Variants in NRG1 observed in about 807,000 individuals in gnomAD.
The protein encoded by NRG1 is pro-neuregulin-1, membrane-bound isoform.
Under a neutral mutation model 63.8 loss-of-function variants are expected in NRG1, and 18 were observed. The observed-to-expected ratio is 0.28, with a 90% CI of 0.19 to 0.42. The LOEUF (loss-of-function observed/expected upper bound fraction) is 0.42. Among genes scored for constraint, NRG1 ranks in the 10% least tolerant of loss-of-function variants. The pLI, the probability that NRG1 is intolerant of heterozygous loss-of-function variation, is 1.00. For missense variants in NRG1, 762 were observed against 814.7 expected (o/e 0.94, Z 0.79); for synonymous variants, 302 against 301.3 (o/e 1.00, Z -0.02).
chr8:31,655,952 A>G (rs898096093), intron 1 of NRG1, among the ~76,000 whole-genome samples: 3 of 152,232 alleles, frequency 2.0e-5, no homozygotes, highest in Non-Finnish European at 2.9e-5. Flanking sequence ...CAAATACTGC[A>G]GGAGAAGAAG....
At chr8:32,328,543 T>C (rs1303106810) in intron 1 of NRG1, among the ~76,000 whole-genome samples, 1 of 152,040 alleles carries the variant, frequency 6.6e-6, no homozygotes, top group African/African-American at 2.4e-5. Flanking sequence ...TAAAATGACA[T>C]CCAGTTATTT....
At chr8:32,061,933 A>C (rs1453816091) in intron 1 of NRG1, 1 of 152,068 alleles carries the variant, frequency 6.6e-6, no homozygotes, top group African/African-American at 2.4e-5. Flanking sequence ...AAACAGGAGG[A>C]GGTAACAGAG....
chr8:31,909,346 A>C (rs947517989), intron 1 of NRG1, among the ~76,000 whole-genome samples: 35 of 152,136 alleles, frequency 2.3e-4, no homozygotes, highest in African/African-American at 8.4e-4. Context: ...GACACTGAGC[A>C]TCAGGGACAT....
chr8:31,776,900 G>T (rs900048295), intron 1 of NRG1, among the ~76,000 whole-genome samples: 1 of 152,178 alleles, frequency 6.6e-6, no homozygotes, highest in Non-Finnish European at 1.5e-5. Context: ...AGTAACAGCA[G>T]GTTCTGGAGA....
chr8:31,762,840 T>A (rs1452190863), intron 1 of NRG1, among the ~76,000 whole-genome samples: 1 of 152,230 alleles, frequency 6.6e-6, no homozygotes, highest in Non-Finnish European at 1.5e-5. Flanking sequence ...CCCAGCTTGT[T>A]TTATGAGGCT....
intron 1 of NRG1, among the ~76,000 whole-genome samples, chr8:32,346,006 T>C (rs901333456): frequency 4.0e-5 from 6 of 150,438 alleles, no homozygotes; most frequent in African/African-American, 1.5e-4. Flanking sequence ...AAATCCTGTC[T>C]CAAAAATAAT....
At chr8:32,731,006 A>G (rs1823517822) in intron 6 of NRG1, among the ~76,000 whole-genome samples, 1 of 152,180 alleles carries the variant, frequency 6.6e-6, no homozygotes, top group Non-Finnish European at 1.5e-5. Flanking sequence ...AATTATAGTA[A>G]TGAAATATGA....
Position 32,281,939 on chromosome 8 carries a change from T to C in NRG1, c.38-313889T>C, listed in dbSNP as rs141211701. On this transcript the variant is annotated intron_variant, in intron 1 of 10. Coordinates refer to the NRG1 transcript ENST00000519301. ...AAGTGTTTAACTCATCAATTTCAGA[T>C]ACACAGTAAAAGAATGTATATGAGA... Among the ~76,000 whole-genome samples the C allele has an allele frequency of 6.3e-3, 961 of 152,356 alleles. 9 individuals are homozygous for C. Among genetic ancestry groups the C allele is most frequent in the Non-Finnish European group, 9.4e-3 (641 of 68,028 alleles).
rs145451357 is a variant in NRG1, at chr8:32,503,689, C to T, written c.38-92139C>T. ...AGAAATAATATTAAACTGGTAGTAG[C>T]GGTGAATCCATACGGGTATGCAGCA... On this transcript the variant is annotated intron_variant, in intron 1 of 10. Transcript: ENST00000519301. Among the ~76,000 whole-genome samples, 129 of 152,250 alleles carry T rather than the reference C, an allele frequency of 8.5e-4. 1 individual carries two copies. The highest frequency in any genetic ancestry group is 2.9e-3 in the African/African-American group (122 of 41,550).
intron 1 of NRG1, among the ~76,000 whole-genome samples, chr8:31,871,123 C>T (rs1003951050): frequency 5.3e-5 from 8 of 151,610 alleles, no homozygotes; most frequent in African/African-American, 1.7e-4. Context: ...ATTACAGGTA[C>T]GTGCCACCAT....
intron 1 of NRG1, among the ~76,000 whole-genome samples, chr8:32,205,166 A>G (rs1843904372): frequency 6.6e-6 from 1 of 152,200 alleles, no homozygotes; most frequent in African/African-American, 2.4e-5. Flanking sequence ...AATGTTAACA[A>G]GAATGGTATC....
chr8:31,994,251 C>A (rs1262105605), intron 1 of NRG1, among the ~76,000 whole-genome samples: 2 of 151,796 alleles, frequency 1.3e-5, no homozygotes, highest in Admixed American at 6.6e-5. Flanking sequence ...AAAGAAGGAA[C>A]CCAATGGATG....
intron 1 of NRG1, among the ~76,000 whole-genome samples, chr8:31,749,123 G>T (rs1053954217): frequency 2.6e-5 from 4 of 151,754 alleles, no homozygotes; most frequent in African/African-American, 9.7e-5. Context: ...ACAGAGGATA[G>T]TACATAAGTT....
chr8:32,217,957 G>A (rs1845417145), intron 1 of NRG1, among the ~76,000 whole-genome samples: 1 of 152,188 alleles, frequency 6.6e-6, no homozygotes, highest in South Asian at 2.1e-4. Flanking sequence ...TACAGAAAAT[G>A]AAACTGTGAC....
At chr8:32,293,951 C>T (rs1304825312) in intron 1 of NRG1, among the ~76,000 whole-genome samples, 4 of 152,086 alleles carry the variant, frequency 2.6e-5, no homozygotes, top group Admixed American at 2.0e-4. Context: ...CTCCTTACCT[C>T]AGGTTATCAG....
rs528773197 is a variant in NRG1, at chr8:31,764,742, AT to A, written c.37+125320del. ...TCCTCATTTACTTACATCTTCTTTG[AT>A]TTTTTTTTATTATACTTTAAGTTTT... On this transcript the variant is annotated intron_variant, in intron 1 of 10. Transcript: ENST00000519301. Among the ~76,000 whole-genome samples the A allele has an allele frequency of 2.4e-3, 370 of 151,512 alleles. 1 individual carries two copies. Among genetic ancestry groups the A allele is most frequent in the African/African-American group, 8.1e-3 (335 of 41,314 alleles).
intron 1 of NRG1, among the ~76,000 whole-genome samples, chr8:32,494,463 AT>A (rs904488170): frequency 1.3e-5 from 2 of 151,994 alleles, no homozygotes; most frequent in Non-Finnish European, 2.9e-5. Context: ...CCATTTGTTA[AT>A]TTTTTTTAAT....
At chr8:31,887,104 C>T (rs563538526) in intron 1 of NRG1, among the ~76,000 whole-genome samples, 1 of 152,164 alleles carries the variant, frequency 6.6e-6, no homozygotes, top group South Asian at 2.1e-4. Flanking sequence ...ATTTCTTTGG[C>T]ATTTTCCATG....
At chr8:31,858,871 T>G (rs545623569) in intron 1 of NRG1, among the ~76,000 whole-genome samples, 2 of 152,296 alleles carry the variant, frequency 1.3e-5, no homozygotes, top group African/African-American at 4.8e-5. Context: ...ATTTGCCATA[T>G]TCACCTGATC....
Sources: gnomAD v4.1 joint callset for allele counts (sites outside exome capture counted in the v4.1 genomes callset) on GRCh38, gnomAD v4.1.1 for gene constraint, MANE v1.5 for transcripts, NCBI Gene and HGNC (gene_info 2026-07-23, HGNC 2026-07-21) for gene names.